The following PLCH2 variants were observed in gnomAD, a reference collection of about 807,000 sequenced individuals.
PLCH2 encodes the protein 1-phosphatidylinositol 4,5-bisphosphate phosphodiesterase eta-2.
A neutral mutation model predicts 134.7 loss-of-function variants in PLCH2; 98 were observed. The ratio of observed to expected loss-of-function variants is 0.73; its 90% CI spans 0.62 to 0.86. PLCH2 has a LOEUF of 0.86. PLCH2 is among the 40% of genes least tolerant of loss of function. The pLI is 0.00. For missense variants in PLCH2, 1,994 were observed against 1,986.6 expected (o/e 1.00, Z -0.07); for synonymous variants, 974 against 827.5 (o/e 1.18, Z -3.04).
intron 2 of PLCH2, among the ~76,000 whole-genome samples, chr1:2,460,131 A>T (rs967158435): frequency 6.6e-6 from 1 of 152,236 alleles, no homozygotes; most frequent in Non-Finnish European, 1.5e-5. Context: ...GCCTGGCCTA[A>T]GGGAGGGGCC....
chr1:2,471,261 C>G (rs1425530816), intron 1 of PLCH2, among the ~76,000 whole-genome samples: 1 of 152,164 alleles, frequency 6.6e-6, no homozygotes, highest in African/African-American at 2.4e-5. Flanking sequence ...CCCGAAGAGG[C>G]CAGAGAAAGG....
chr1:2,489,945 G>A, intron 10 of PLCH2, 78 bp downstream of exon 10: 1 of 1,111,106 alleles, frequency 9.0e-7, no homozygotes, highest in Non-Finnish European at 1.4e-6. Context: ...TGCTGTTGGG[G>A]CGAGTTAGAA....
intron 2 of PLCH2, among the ~76,000 whole-genome samples, chr1:2,435,078 G>A (rs61763906): frequency 0.088 from 13,415 of 152,234 alleles, 720 homozygotes; most frequent in East Asian, 0.25. Flanking sequence ...AGCAGCAGGA[G>A]GCAGGTGCAC....
At chr1:2,459,455 T>TG (rs1640675948) in intron 2 of PLCH2, among the ~76,000 whole-genome samples, 4 of 67,058 alleles carry the variant, frequency 6.0e-5, no homozygotes, top group East Asian at 4.4e-4. Flanking sequence ...TGGTCCTCCT[T>TG]CCTGGTGGTT....
In PLCH2 at chr1:2,505,249, C is replaced by T; in HGVS notation, c.*36C>T. On this transcript the variant is annotated 3_prime_UTR_variant, in exon 22 of 22. Transcript: ENST00000378486. ...TGGGAACCTGGGCGGCTCTGGAGGC[C>T]CAGGGCAGGGGTGGGCGTGTTGTTT... The T allele has an allele frequency of 2.7e-6, 4 of 1,490,234 alleles. No individual in the cohort carries two copies. In the South Asian group the frequency reaches 4.8e-5, roughly 18 times the overall value. The allele number at this position is 1,490,234 out of a possible 1,614,324, so 92.3% of individuals were successfully genotyped here.
intron 2 of PLCH2, among the ~76,000 whole-genome samples, chr1:2,437,995 C>T (rs895064052): frequency 2.0e-5 from 3 of 152,222 alleles, no homozygotes; most frequent in South Asian, 2.1e-4. Context: ...ACTGAGCATC[C>T]GCCAAGGTCC....
chr1:2,475,196 C>A (rs1229738850), upstream of PLCH2, among the ~76,000 whole-genome samples: 1 of 152,190 alleles, frequency 6.6e-6, no homozygotes, highest in African/African-American at 2.4e-5. Flanking sequence ...TGACCTTGGC[C>A]CCGGGGCTCT....
rs769722242 is a variant in PLCH2 at position 2,480,246 on chromosome 1, G to A, written c.579G>A (p.Glu193=). Residue 193 remains glutamate (E), a synonymous_variant, in exon 4 of 22, where the codon GAG becomes GAA. Transcript: ENST00000378486. Reference sequence around the variant, plus strand: ...GGGATGGCAGCCTGAGCATTGGCGAGGTCCTGCAGCTGCTGCACAAGCTCA... The same window carrying A: ...GGGATGGCAGCCTGAGCATTGGCGAAGTCCTGCAGCTGCTGCACAAGCTCA... The part of the protein sequence containing the change: ...KNGDGSLSIG[E]VLQLLHKLNV... The A allele has an allele frequency of 3.1e-6, 5 of 1,612,698 alleles. No homozygotes were observed. Among genetic ancestry groups the A allele is most frequent in the Admixed American group, 3.3e-5 (2 of 60,012 alleles).
At chr1:2,469,746 C>T (rs913386200) in intron 1 of PLCH2, among the ~76,000 whole-genome samples, 18 of 152,348 alleles carry the variant, frequency 1.2e-4, no homozygotes, top group African/African-American at 4.1e-4. Flanking sequence ...ACCGGCTGGA[C>T]GGACTTCCTG....
intron 2 of PLCH2, among the ~76,000 whole-genome samples, chr1:2,455,711 G>T (rs995026567): frequency 6.6e-6 from 1 of 152,188 alleles, no homozygotes; most frequent in African/African-American, 2.4e-5. Flanking sequence ...GATGGAGGCG[G>T]GAGGCTCCCA....
At position 2,497,546 on chromosome 1, in the gene PLCH2, C is replaced by A. The variant is rs1019596802; in HGVS notation, c.2161C>A (p.Arg721=). 1 of 1,562,910 alleles carries A rather than the reference C, an allele frequency of 6.4e-7. No individual in the cohort carries two copies. Among genetic ancestry groups the A allele is most frequent in the Admixed American group, 1.9e-5 (1 of 52,926 alleles). The part of the protein sequence containing the change: ...QSEGRMLQLN[R]AKFSANGGCG... ...AGAGGGGCGGATGCTGCAGCTGAAC[C>A]GAGCCAAGTTCAGCGCCAACGGTGG... The change falls in exon 16 of 22, where the codon CGA becomes AGA. Residue 721 remains arginine (R), a synonymous_variant. Coordinates refer to ENST00000378486, the MANE Select transcript of PLCH2 (RefSeq NM_014638.4).
At chr1:2,468,041 A>G (rs1482438994) in intron 1 of PLCH2, among the ~76,000 whole-genome samples, 1 of 152,112 alleles carries the variant, frequency 6.6e-6, no homozygotes, top group Non-Finnish European at 1.5e-5. Flanking sequence ...CCTGACCTCC[A>G]GCTTGATCCC....
Position 2,505,278 on chromosome 1 carries a change from C to A in PLCH2, c.*65C>A. 1.5e-6 allele frequency: 2 copies of A among 1,293,116 alleles called. No homozygotes were observed. Among genetic ancestry groups the A allele is most frequent in the South Asian group, 1.4e-5 (1 of 73,944 alleles). The allele number at this position is 1,293,116 out of a possible 1,614,324, so 80.1% of individuals were successfully genotyped here. A position where few individuals can be genotyped will look rare whatever the true frequency, so the allele number is the denominator to read the frequency against. On this transcript the variant is annotated 3_prime_UTR_variant, in exon 22 of 22. Transcript: ENST00000378486. ...GGCAGGGGTGGGCGTGTTGTTTGCT[C>A]AGGAAACAGGGCAGCCAGGCCCCCA...
At position 2,504,067 on chromosome 1, in the gene PLCH2, A is replaced by G; in HGVS notation, c.3105A>G (p.Thr1035=). ...SSSQGRPPYP[T]GPGANVASPL... ...CTCAGGGACGGCCCCCATACCCCAC[A>G]GGACCCGGAGCCAATGTGGCAAGCC... The change falls in exon 22 of 22, where the codon ACA becomes ACG. Residue 1035 remains threonine, a synonymous_variant. Coordinates refer to ENST00000378486, the MANE Select transcript of PLCH2 (RefSeq NM_014638.4). The G allele has an allele frequency of 6.5e-7, 1 of 1,548,358 alleles. No individual in the cohort carries two copies. The highest frequency in any genetic ancestry group is 2.4e-5 in the East Asian group (1 of 41,032).
chr1:2,446,680 G>A (rs896682198), intron 2 of PLCH2, among the ~76,000 whole-genome samples: 1 of 152,246 alleles, frequency 6.6e-6, no homozygotes, highest in African/African-American at 2.4e-5. Flanking sequence ...GGACAAAGGA[G>A]GCTGCCTCGG....
At chr1:2,472,803 G>A (rs191518144), upstream of PLCH2, among the ~76,000 whole-genome samples, 30 of 152,256 alleles carry the variant, frequency 2.0e-4, no homozygotes, top group African/African-American at 5.8e-4. Context: ...GCCCCTGCCC[G>A]TCCCGTACAC....
intron 15 of PLCH2, 117 bp downstream of exon 15, chr1:2,497,127 T>C (rs1642939050): frequency 9.8e-7 from 1 of 1,023,252 alleles, no homozygotes. Flanking sequence ...TGGGCTCTAT[T>C]GCCCTTGGAG....
intron 9 of PLCH2, among the ~76,000 whole-genome samples, 184 bp downstream of exon 9, chr1:2,489,562 T>A (rs898329561): frequency 6.6e-6 from 1 of 152,228 alleles, no homozygotes; most frequent in Non-Finnish European, 1.5e-5. Context: ...AGGCCCCTCA[T>A]GCACATCCAG....
chr1:2,479,766 G>A lies in PLCH2; in HGVS notation c.304G>A (p.Gly102Arg). 1 of 1,550,478 alleles carries A rather than the reference G, an allele frequency of 6.4e-7. No individual in the cohort carries two copies. The highest frequency in any genetic ancestry group is 8.7e-7 in the Non-Finnish European group (1 of 1,145,944). The change falls in exon 3 of 22, where the codon GGG becomes AGG. Residue 102 changes from glycine to arginine, a missense_variant. By Grantham distance (125) the Gly-to-Arg change is moderately radical (BLOSUM62 -2). This residue lies in a region of PLCH2 where 1,094 missense variants were observed against 1,234.3 expected (regional missense o/e 0.89). Coordinates refer to ENST00000378486, the MANE Select transcript of PLCH2 (RefSeq NM_014638.4). ...CGACTCCATCCAGGAGGTGAGTGAG[G>A]GGCGGCAGTCGGAGGTCTTCCAGCG... The part of the protein sequence containing the change: ...SIDSIQEVSE[G>R]RQSEVFQRYP...
Sources: allele counts gnomAD v4.1 joint callset (sites outside exome capture counted in the v4.1 genomes callset), GRCh38; gene constraint gnomAD v4.1.1; regional missense constraint gnomAD v4.1.1; transcripts MANE v1.5; gene names NCBI Gene and HGNC (gene_info 2026-07-23, HGNC 2026-07-21).